ACBD6: variants seen among roughly 807,000 people sequenced by gnomAD.
ACBD6 encodes acyl-CoA binding domain containing 6, also known as acyl-CoA-binding domain-containing protein 6.
Under a neutral mutation model 37.2 loss-of-function variants are expected in ACBD6, and 28 were observed. That is an observed-to-expected ratio of 0.75 (90% CI 0.56 to 1.03). The LOEUF (loss-of-function observed/expected upper bound fraction) is 1.03, where lower values mean the gene tolerates loss of function less well. Ranked by LOEUF, ACBD6 falls within the 50% of genes least tolerant of loss-of-function variation. ACBD6 has a pLI of 0.00. For synonymous variants in ACBD6, 113 were observed against 126.8 expected (o/e 0.89, Z 0.73); for missense variants, 340 against 337.4 (o/e 1.01, Z -0.06).
At chr1:180,423,849 C>T (rs895927091) in intron 4 of ACBD6, among the ~76,000 whole-genome samples, 4 of 152,054 alleles carry the variant, frequency 2.6e-5, no homozygotes, top group Non-Finnish European at 4.4e-5. Context: ...AGCACAGATC[C>T]GCTTTCCTAA....
intron 6 of ACBD6, among the ~76,000 whole-genome samples, chr1:180,318,400 T>A (rs1650919756): frequency 6.6e-6 from 1 of 152,180 alleles, no homozygotes; most frequent in Admixed American, 6.5e-5. Context: ...AGCAGAGTGA[T>A]GTTTGTTGTG....
chr1:180,496,656 C>A (rs930453028), intron 1 of ACBD6, among the ~76,000 whole-genome samples: 1 of 152,192 alleles, frequency 6.6e-6, no homozygotes, highest in African/African-American at 2.4e-5. Context: ...ACAATGATCT[C>A]ATCTACCTCT....
intron 6 of ACBD6, among the ~76,000 whole-genome samples, chr1:180,387,912 A>ACCGGG (rs1653905326): frequency 6.6e-6 from 1 of 152,112 alleles, no homozygotes. Flanking sequence ...ACGGTGGCTC[A>ACCGGG]CACCTGTAAT....
chr1:180,480,955 C>G (rs951016775), intron 3 of ACBD6, among the ~76,000 whole-genome samples: 1 of 151,132 alleles, frequency 6.6e-6, no homozygotes, highest in Non-Finnish European at 1.5e-5. Flanking sequence ...TGCTGGAACC[C>G]GGGAGGCAGA....
chr1:180,442,275 A>C lies in ACBD6; in HGVS notation c.385-12013T>G, dbSNP rs544154290. On this transcript the variant is annotated intron_variant, in intron 3 of 7. Coordinates refer to ENST00000367595, the MANE Select transcript of ACBD6 (RefSeq NM_032360.4). ...TTGGATCTATGGGTTTATGGCAGTG[A>C]CTCTCAACTAGGGGCACTTTTTTTT... Among the ~76,000 whole-genome samples the C allele has an allele frequency of 2.7e-5, 4 of 146,098 alleles. No homozygotes were observed. The South Asian group carries it at 6.4e-4, about 23-fold the overall frequency.
At chr1:180,273,014 C>T (rs893882801) in intron 12 of ACBD6, 3 of 151,036 alleles carry the variant, frequency 2.0e-5, no homozygotes, top group Non-Finnish European at 4.4e-5. Context: ...TGGAGTGGAG[C>T]CTTCATCTTC....
intron 4 of ACBD6, among the ~76,000 whole-genome samples, chr1:180,421,464 C>T (rs771302927): frequency 1.3e-5 from 2 of 152,182 alleles, no homozygotes; most frequent in Non-Finnish European, 2.9e-5. Flanking sequence ...TGAACATATG[C>T]ATGCACGTAA....
intron 3 of ACBD6, among the ~76,000 whole-genome samples, chr1:180,490,519 T>C (rs1358085858): frequency 6.6e-6 from 1 of 150,750 alleles, no homozygotes; most frequent in Non-Finnish European, 1.5e-5. Context: ...CTCACCCCTG[T>C]AATCCCAGCA....
chr1:180,307,936 C>G (rs1486955799), intron 7 of ACBD6, among the ~76,000 whole-genome samples: 2 of 152,200 alleles, frequency 1.3e-5, no homozygotes, highest in Non-Finnish European at 2.9e-5. Flanking sequence ...GCCTGGGTGA[C>G]AGAGCGAGAC....
intron 3 of ACBD6, among the ~76,000 whole-genome samples, chr1:180,442,786 AT>A (rs1376637530): frequency 1.3e-5 from 2 of 152,072 alleles, no homozygotes; most frequent in Admixed American, 6.6e-5. Context: ...CAGATATTAT[AT>A]TTTTCCCTAT....
chr1:180,433,933 C>A (rs1174914108), intron 3 of ACBD6, among the ~76,000 whole-genome samples: 1 of 152,056 alleles, frequency 6.6e-6, no homozygotes, highest in Non-Finnish European at 1.5e-5. Flanking sequence ...GATAGTGGAA[C>A]ACATGGAGGT....
At chr1:180,339,069 T>C (rs549363385) in intron 6 of ACBD6, among the ~76,000 whole-genome samples, 2 of 152,320 alleles carry the variant, frequency 1.3e-5, no homozygotes, top group South Asian at 4.1e-4. Context: ...AGGAACACTT[T>C]TACACTGTTG....
At chr1:180,422,348 A>G (rs1648403886) in intron 4 of ACBD6, among the ~76,000 whole-genome samples, 1 of 151,970 alleles carries the variant, frequency 6.6e-6, no homozygotes, top group African/African-American at 2.4e-5. Context: ...TAGGATTACA[A>G]GCGCACACCA....
chr1:180,281,406 A>G (rs935596110), intron 8 of ACBD6: 2 of 152,248 alleles, frequency 1.3e-5, no homozygotes, highest in African/African-American at 4.8e-5. Context: ...CAAAAGGAAA[A>G]AAGAAATGAA....
intron 1 of ACBD6, among the ~76,000 whole-genome samples, chr1:180,499,763 G>GA (rs1651878960): frequency 6.6e-6 from 1 of 152,106 alleles, no homozygotes. Flanking sequence ...TGACCAAAGA[G>GA]AAAACAGATA....
intron 7 of ACBD6, among the ~76,000 whole-genome samples, chr1:180,304,115 T>C (rs1650249187): frequency 6.6e-6 from 1 of 150,838 alleles, no homozygotes; most frequent in Non-Finnish European, 1.5e-5. Context: ...CTCATAATAA[T>C]AAGAGCTATC....
chr1:180,416,260 C>A (rs947483002), intron 4 of ACBD6, among the ~76,000 whole-genome samples: 1 of 151,992 alleles, frequency 6.6e-6, no homozygotes, highest in Non-Finnish European at 1.5e-5. Context: ...CCTTTCTTGC[C>A]CCCTAAAATT....
intron 4 of ACBD6, among the ~76,000 whole-genome samples, chr1:180,419,307 A>G (rs182864803): frequency 1.3e-5 from 2 of 152,358 alleles, no homozygotes; most frequent in Non-Finnish European, 2.9e-5. Flanking sequence ...TTTGGAAACT[A>G]TTACCTTGTC....
chr1:180,406,779 C>T (rs1647645729), intron 5 of ACBD6, among the ~76,000 whole-genome samples: 1 of 152,056 alleles, frequency 6.6e-6, no homozygotes, highest in African/African-American at 2.4e-5. Context: ...TAAGTAAAAA[C>T]GTATATTATC....
Sources: allele counts gnomAD v4.1 joint callset (sites outside exome capture counted in the v4.1 genomes callset), GRCh38; gene constraint gnomAD v4.1.1; transcripts MANE v1.5; gene names NCBI Gene and HGNC (gene_info 2026-07-23, HGNC 2026-07-21).